GRIK1: variants seen among roughly 807,000 people sequenced by gnomAD.
The protein encoded by GRIK1 is glutamate ionotropic receptor kainate type subunit 1.
Under a neutral mutation model 105.7 loss-of-function variants are expected in GRIK1, and 69 were observed. The ratio of observed to expected loss-of-function variants is 0.65; its 90% CI spans 0.54 to 0.80. GRIK1 has a LOEUF of 0.80. Among genes scored for constraint, GRIK1 ranks in the 30% least tolerant of loss-of-function variants. The probability of loss-of-function intolerance (pLI) is 0.00; values close to 1 mark genes in which losing one functional copy is unlikely to be tolerated. For synonymous variants in GRIK1, 438 were observed against 431.3 expected (o/e 1.02, Z -0.19); for missense variants, 1,109 against 1,167.3 (o/e 0.95, Z 0.73).
chr21:29,873,940 T>C (rs1292660103), intron 1 of GRIK1, among the ~76,000 whole-genome samples: 1 of 152,176 alleles, frequency 6.6e-6, no homozygotes, highest in Non-Finnish European at 1.5e-5. Flanking sequence ...GCATTATTAA[T>C]TAGATTCTCG....
intron 1 of GRIK1, among the ~76,000 whole-genome samples, chr21:29,889,892 T>C (rs1460115330): frequency 6.6e-6 from 1 of 152,066 alleles, no homozygotes; most frequent in African/African-American, 2.4e-5. Flanking sequence ...CTTATACATC[T>C]AAGTTTTAAT....
intron 14 of GRIK1, among the ~76,000 whole-genome samples, chr21:29,570,825 G>A (rs2146211817): frequency 7.1e-6 from 1 of 141,204 alleles, no homozygotes; most frequent in African/African-American, 2.6e-5. Flanking sequence ...TTAGCTGAGT[G>A]ATCGAAACTT....
At chr21:29,684,058 GAAT>G (rs572066516) in intron 3 of GRIK1, among the ~76,000 whole-genome samples, 1 of 152,208 alleles carries the variant, frequency 6.6e-6, no homozygotes, top group Non-Finnish European at 1.5e-5. Context: ...TCGGTCTCCC[GAAT>G]ACTGTTTGAT....
intron 7 of GRIK1, among the ~76,000 whole-genome samples, chr21:29,620,812 T>TATATAGATAGATAGATAG (rs1568897717): frequency 3.4e-5 from 4 of 117,490 alleles, no homozygotes; most frequent in African/African-American, 1.6e-4. Context: ...TATAGATATA[T>TATATAGATAGATAGATAG]ATATATAGTA....
chr21:29,753,656 A>C (rs1357809078), intron 1 of GRIK1, among the ~76,000 whole-genome samples: 1 of 152,228 alleles, frequency 6.6e-6, no homozygotes, highest in African/African-American at 2.4e-5. Context: ...TCTAGAGTAT[A>C]AAAGCAGATA....
chr21:29,723,506 G>T (rs943752735), intron 1 of GRIK1, among the ~76,000 whole-genome samples: 1 of 152,190 alleles, frequency 6.6e-6, no homozygotes, highest in Admixed American at 6.5e-5. Flanking sequence ...TGAGGGAAAG[G>T]AGAGCTTATT....
At chr21:29,674,646 C>T (rs939777110) in intron 3 of GRIK1, among the ~76,000 whole-genome samples, 2 of 152,058 alleles carry the variant, frequency 1.3e-5, no homozygotes, top group Non-Finnish European at 2.9e-5. Flanking sequence ...AAGTGTGGCA[C>T]TTCCCCCCTT....
At chr21:29,609,778 G>A (rs777857038) in intron 7 of GRIK1, among the ~76,000 whole-genome samples, 1 of 151,998 alleles carries the variant, frequency 6.6e-6, no homozygotes, top group Non-Finnish European at 1.5e-5. Context: ...GCTTTTCTGG[G>A]TCTCCAGTTT....
chr21:29,579,376 T>C (rs572476735), intron 13 of GRIK1, among the ~76,000 whole-genome samples: 15 of 152,294 alleles, frequency 9.8e-5, no homozygotes, highest in African/African-American at 3.6e-4. Context: ...GATGAAATTA[T>C]ACAAACATTA....
intron 1 of GRIK1, among the ~76,000 whole-genome samples, chr21:29,771,467 T>C (rs1448339630): frequency 2.0e-5 from 3 of 152,264 alleles, no homozygotes; most frequent in African/African-American, 4.8e-5. Context: ...CAGTAGAGTA[T>C]GTGATCTCCA....
chr21:29,800,888 G>A (rs2066688873), intron 1 of GRIK1, among the ~76,000 whole-genome samples: 1 of 152,158 alleles, frequency 6.6e-6, no homozygotes, highest in Admixed American at 6.6e-5. Flanking sequence ...CTGAGGACAG[G>A]GTGAGGCAGC....
intron 1 of GRIK1, among the ~76,000 whole-genome samples, chr21:29,739,272 T>A (rs2064868964): frequency 1.3e-5 from 2 of 152,006 alleles, no homozygotes. Context: ...GAGATCTGAA[T>A]GTGATGAGAA....
intron 16 of GRIK1, among the ~76,000 whole-genome samples, chr21:29,548,051 G>A (rs1029656296): frequency 1.3e-5 from 2 of 152,128 alleles, no homozygotes; most frequent in African/African-American, 2.4e-5. Context: ...GAAAAACTGG[G>A]GAGAAAGACA....
chr21:29,659,982 A>C (rs1361452490), intron 4 of GRIK1, among the ~76,000 whole-genome samples: 2 of 152,074 alleles, frequency 1.3e-5, no homozygotes, highest in African/African-American at 2.4e-5. Flanking sequence ...CAAAACAAAA[A>C]AAACCCAACA....
intron 1 of GRIK1, among the ~76,000 whole-genome samples, chr21:29,931,573 T>C (rs1026545788): frequency 1.3e-5 from 2 of 152,194 alleles, no homozygotes; most frequent in Non-Finnish European, 2.9e-5. Flanking sequence ...TAATCATTTA[T>C]CTATATCAGT....
intron 1 of GRIK1, among the ~76,000 whole-genome samples, chr21:29,896,235 G>T (rs930421307): frequency 6.6e-6 from 1 of 152,104 alleles, no homozygotes. Context: ...ATACATTATT[G>T]CTTTTGATGT....
At chr21:29,667,158 C>T (rs2063075627) in intron 4 of GRIK1, among the ~76,000 whole-genome samples, 1 of 152,148 alleles carries the variant, frequency 6.6e-6, no homozygotes, top group Non-Finnish European at 1.5e-5. Context: ...TTTACCATCC[C>T]TTAGCATAGT....
rs574901774 is a variant in GRIK1, at chr21:29,908,200, C to A, written c.118+31183G>T. 2.0e-5 allele frequency among the ~76,000 whole-genome samples: 3 copies of A among 151,970 alleles called. No homozygotes were observed. In the East Asian group the frequency reaches 5.8e-4, roughly 29 times the overall value. On this transcript the variant is annotated intron_variant, in intron 1 of 17. Transcript: ENST00000327783. ...ACAGAAATTTTTCTGTTGAGTTATG[C>A]AAATCTTACTCTTATAATTTTATTT...
intron 1 of GRIK1, among the ~76,000 whole-genome samples, chr21:29,895,121 A>T (rs2070085418): frequency 6.6e-6 from 1 of 152,200 alleles, no homozygotes; most frequent in Non-Finnish European, 1.5e-5. Context: ...AAGAATATTG[A>T]CAAGCCTTGG....
Sources: gnomAD v4.1 joint callset for allele counts (sites outside exome capture counted in the v4.1 genomes callset) on GRCh38, gnomAD v4.1.1 for gene constraint, MANE v1.5 for transcripts, NCBI Gene and HGNC (gene_info 2026-07-23, HGNC 2026-07-21) for gene names.